SHANK2: variants seen among roughly 807,000 people sequenced by gnomAD.
SHANK2 encodes SH3 and multiple ankyrin repeat domains protein 2.
Under a neutral mutation model 133.7 loss-of-function variants are expected in SHANK2, and 43 were observed. The observed-to-expected ratio is 0.32, with a 90% confidence interval of 0.25 to 0.41. SHANK2 has a LOEUF of 0.41. Among genes scored for constraint, SHANK2 ranks in the 10% least tolerant of loss-of-function variants. The pLI is 1.00. For synonymous variants in SHANK2, 1,017 were observed against 952.8 expected (o/e 1.07, Z -1.24); for missense variants, 1,994 against 2,235.8 (o/e 0.89, Z 2.18).
chr11:70,604,011 T>C (rs957961767), intron 17 of SHANK2: 10 of 152,432 alleles, frequency 6.6e-5, no homozygotes, highest in African/African-American at 2.4e-4. Context: ...CATGAAATGT[T>C]AGCTGCCTGC....
chr11:71,209,327 C>T (rs1334728959), intron 2 of SHANK2, among the ~76,000 whole-genome samples: 7 of 152,176 alleles, frequency 4.6e-5, no homozygotes, highest in African/African-American at 1.4e-4. Flanking sequence ...GGGCCACTCC[C>T]GACACAGGCC....
Position 70,735,996 on chromosome 11 carries a change from C to G in SHANK2, c.1778-37233G>C, listed in dbSNP as rs367657697. Among the ~76,000 whole-genome samples the G allele has an allele frequency of 1.1e-3, 174 of 151,928 alleles. 3 individuals carry two copies. Among genetic ancestry groups the G allele is most frequent in the African/African-American group, 4.0e-3 (165 of 41,406 alleles). ...ATGTGACCTCAGATCCTGCCACTTG[C>G]CATGTTTTCCTGATCCAGGCCATCG... On this transcript the variant is annotated intron_variant, in intron 14 of 25. Coordinates refer to ENST00000601538, the MANE Select transcript of SHANK2 (RefSeq NM_012309.5).
At chr11:70,759,234 C>A (rs1021603613) in intron 14 of SHANK2, among the ~76,000 whole-genome samples, 1 of 151,876 alleles carries the variant, frequency 6.6e-6, no homozygotes, top group East Asian at 1.9e-4. Context: ...TGGCTCACAC[C>A]TGTAATCCCA....
intron 11 of SHANK2, among the ~76,000 whole-genome samples, chr11:70,837,114 T>G (rs1372921643): frequency 6.6e-6 from 1 of 152,190 alleles, no homozygotes; most frequent in Non-Finnish European, 1.5e-5. Context: ...CCTCAGAACT[T>G]CGAGAAAAAT....
At chr11:70,792,823 C>T (rs1947823542) in intron 14 of SHANK2, among the ~76,000 whole-genome samples, 1 of 152,174 alleles carries the variant, frequency 6.6e-6, no homozygotes. Context: ...TGGTGGCTCA[C>T]ACCTACAATC....
rs1591590365 is a variant in SHANK2 at position 70,567,589 on chromosome 11, T to C, written c.2062-64658A>G. 2.0e-5 allele frequency among the ~76,000 whole-genome samples: 3 copies of C among 151,016 alleles called. No individual in the cohort carries two copies. The East Asian group carries it at 5.8e-4, about 29-fold the overall frequency. ...TTGCAGTGAGCCAAGGTCGCACTAC[T>C]GCACTCCAGCCTGGGTGACAGAGCA... On this transcript the variant is annotated intron_variant, in intron 17 of 25. Transcript: ENST00000601538.
intron 6 of SHANK2, among the ~76,000 whole-genome samples, chr11:71,099,318 A>G (rs1316868498): frequency 6.6e-6 from 1 of 152,184 alleles, no homozygotes; most frequent in East Asian, 1.9e-4. Context: ...TAATGCATCG[A>G]TATCGGTTCT....
At chr11:70,896,686 G>T (rs1590808595) in intron 10 of SHANK2, 119 bp from the exon 11 acceptor site, 1 of 627,142 alleles carries the variant, frequency 1.6e-6, no homozygotes, top group Non-Finnish European at 2.9e-6. Context: ...CTTTAAAATG[G>T]CAGCCGCAAT....
At chr11:71,126,216 CAAAAAAAAAA>C (rs1170621448) in intron 3 of SHANK2, among the ~76,000 whole-genome samples, 4 of 64,418 alleles carry the variant, frequency 6.2e-5, no homozygotes, top group South Asian at 2.0e-3. Context: ...GACTCCGTCT[CAAAAAAAAAA>C]AAAAAAAAAA....
intron 14 of SHANK2, among the ~76,000 whole-genome samples, chr11:70,788,735 TG>T (rs1947722517): frequency 6.6e-6 from 1 of 152,102 alleles, no homozygotes; most frequent in African/African-American, 2.4e-5. Context: ...GGGTTGGATT[TG>T]GGAGGAGGAG....
intron 9 of SHANK2, among the ~76,000 whole-genome samples, chr11:71,058,095 G>A (rs1024106336): frequency 6.7e-6 from 1 of 149,100 alleles, no homozygotes; most frequent in South Asian, 2.1e-4. Context: ...GAGGTCCCCC[G>A]TGTTGTCTAG....
chr11:71,182,716 C>T (rs373273576), intron 2 of SHANK2, among the ~76,000 whole-genome samples: 9 of 152,178 alleles, frequency 5.9e-5, no homozygotes, highest in East Asian at 1.9e-4. Flanking sequence ...ATTCTCAGGT[C>T]GAGGGGTTAG....
At chr11:71,132,004 C>T (rs1441984347) in intron 3 of SHANK2, among the ~76,000 whole-genome samples, 1 of 152,222 alleles carries the variant, frequency 6.6e-6, no homozygotes, top group Non-Finnish European at 1.5e-5. Context: ...CCAACTCGAT[C>T]CTGGCAGCAC....
At chr11:70,524,592 G>A (rs1333620554) in intron 17 of SHANK2, among the ~76,000 whole-genome samples, 2 of 152,224 alleles carry the variant, frequency 1.3e-5, no homozygotes, top group Non-Finnish European at 2.9e-5. Flanking sequence ...CGAGCCTCCT[G>A]CTCTCTGCCA....
intron 9 of SHANK2, among the ~76,000 whole-genome samples, chr11:71,059,109 C>G (rs1283580910): frequency 6.6e-6 from 1 of 152,058 alleles, no homozygotes; most frequent in Non-Finnish European, 1.5e-5. Flanking sequence ...CCCAGCTACT[C>G]GGGAGGCTGA....
At chr11:70,519,389 C>T (rs913629945) in intron 17 of SHANK2, among the ~76,000 whole-genome samples, 10 of 152,178 alleles carry the variant, frequency 6.6e-5, no homozygotes, top group African/African-American at 2.4e-4. Context: ...CATGGTGGCT[C>T]ACGCCTGTAA....
At chr11:71,186,245 C>T (rs981790523) in intron 2 of SHANK2, among the ~76,000 whole-genome samples, 2 of 152,240 alleles carry the variant, frequency 1.3e-5, no homozygotes, top group Admixed American at 6.5e-5. Flanking sequence ...CAAGTCAACA[C>T]CTGCTGATGT....
At chr11:70,614,901 T>C (rs537592787) in intron 17 of SHANK2, among the ~76,000 whole-genome samples, 25 of 152,214 alleles carry the variant, frequency 1.6e-4, no homozygotes, top group Non-Finnish European at 3.1e-4. Context: ...TAGAGGTTTC[T>C]GGAGAGGGAA....
At chr11:70,582,469 T>C (rs2060196866) in intron 17 of SHANK2, among the ~76,000 whole-genome samples, 1 of 152,214 alleles carries the variant, frequency 6.6e-6, no homozygotes, top group South Asian at 2.1e-4. Context: ...CCTGAGCCAG[T>C]GTGTCCCTCT....
Sources: allele counts gnomAD v4.1 joint callset (sites outside exome capture counted in the v4.1 genomes callset), GRCh38; gene constraint gnomAD v4.1.1; transcripts MANE v1.5; gene names NCBI Gene and HGNC (gene_info 2026-07-23, HGNC 2026-07-21).